The following LPGAT1 variants were observed in gnomAD, a reference collection of about 807,000 sequenced individuals.
The protein encoded by LPGAT1 is acyl-CoA:lysophosphatidylglycerol acyltransferase 1.
LPGAT1 carries 11 observed loss-of-function variants against 47.5 expected under a neutral mutation model. The observed-to-expected ratio is 0.23, with a 90% confidence interval of 0.15 to 0.38. The LOEUF is 0.38. LPGAT1 is among the 10% of genes least tolerant of loss of function. The pLI, the probability that LPGAT1 is intolerant of heterozygous loss-of-function variation, is 1.00. For synonymous variants in LPGAT1, 138 were observed against 144.2 expected (o/e 0.96, Z 0.31); for missense variants, 293 against 439.0 (o/e 0.67, Z 2.97).
At chr1:211,770,701 G>A (rs1456134969) in intron 6 of LPGAT1, among the ~76,000 whole-genome samples, 1 of 152,062 alleles carries the variant, frequency 6.6e-6, no homozygotes, top group African/African-American at 2.4e-5. Context: ...AGTAGTATAG[G>A]GTAATATCCT....
intron 2 of LPGAT1, among the ~76,000 whole-genome samples, chr1:211,818,498 CAACTA>C (rs1660258377): frequency 6.6e-6 from 1 of 152,138 alleles, no homozygotes. Flanking sequence ...GAAATGTTGA[CAACTA>C]ATTTAAGTTT....
chr1:211,760,597 A>T (rs1657656638), intron 6 of LPGAT1, among the ~76,000 whole-genome samples: 2 of 152,236 alleles, frequency 1.3e-5, no homozygotes, highest in Non-Finnish European at 2.9e-5. Context: ...TATTTATAAT[A>T]ATTTTGGTAC....
chr1:211,776,748 G>GA (rs201207999), intron 6 of LPGAT1, among the ~76,000 whole-genome samples: 3,258 of 109,058 alleles, frequency 0.03, 89 homozygotes, highest in East Asian at 0.13. Flanking sequence ...CTTAACTGCA[G>GA]AAAAAAAAAA....
intron 5 of LPGAT1, among the ~76,000 whole-genome samples, chr1:211,781,834 T>C (rs1247698739): frequency 6.6e-6 from 1 of 152,214 alleles, no homozygotes; most frequent in Admixed American, 6.5e-5. Context: ...CTCCATGCTA[T>C]GGGCACAAAT....
chr1:211,771,428 TTTA>T lies in LPGAT1; in HGVS notation c.854+7487_854+7489del, dbSNP rs371864522. 3.0e-4 allele frequency among the ~76,000 whole-genome samples: 46 copies of T among 152,288 alleles called. 1 individual carries two copies. In the South Asian group the frequency reaches 8.9e-3, roughly 29 times the overall value. On this transcript the variant is annotated intron_variant, in intron 6 of 7. Transcript: ENST00000366997. ...TTTTTGTTATGTGCACTTCAAACAC[TTTA>T]TTGTGTCTCTTGAACACTCTAGTTT...
rs564172279 is a variant in LPGAT1 at position 211,758,941 on chromosome 1, T to C, written c.855-7874A>G. ...AATGAGTTGCATTTTATTAAGAATT[T>C]TTTTATCGATTGAAATGGGTATGTA... On this transcript the variant is annotated intron_variant, in intron 6 of 7. Coordinates refer to ENST00000366997, the MANE Select transcript of LPGAT1 (RefSeq NM_014873.3). Among the ~76,000 whole-genome samples the C allele has an allele frequency of 2.2e-4, 33 of 152,322 alleles. No homozygotes were observed. In the East Asian group the frequency reaches 6.2e-3, roughly 28 times the overall value.
intron 5 of LPGAT1, among the ~76,000 whole-genome samples, chr1:211,780,403 AG>A (rs1371092932): frequency 6.6e-6 from 1 of 152,118 alleles, no homozygotes; most frequent in Admixed American, 6.6e-5. Context: ...GAGAACTGAG[AG>A]GGGAAACATC....
At chr1:211,821,629 G>A (rs1404009003) in intron 2 of LPGAT1, among the ~76,000 whole-genome samples, 1 of 152,172 alleles carries the variant, frequency 6.6e-6, no homozygotes, top group Non-Finnish European at 1.5e-5. Context: ...AGAAGCATAA[G>A]CATACATAAT....
chr1:211,770,143 C>A (rs1375764131), intron 6 of LPGAT1, among the ~76,000 whole-genome samples: 1 of 152,164 alleles, frequency 6.6e-6, no homozygotes, highest in East Asian at 1.9e-4. Flanking sequence ...TACTAATGGA[C>A]ATTTAGATTA....
intron 6 of LPGAT1, among the ~76,000 whole-genome samples, chr1:211,774,132 C>CTTTT (rs67342051): frequency 0.039 from 2,568 of 66,494 alleles, 530 homozygotes; most frequent in Non-Finnish European, 0.05. Flanking sequence ...TTTTAAAAGT[C>CTTTT]TTTTTTTTTT....
intron 2 of LPGAT1, among the ~76,000 whole-genome samples, chr1:211,825,372 T>G (rs1486728048): frequency 6.6e-6 from 1 of 151,894 alleles, no homozygotes; most frequent in Non-Finnish European, 1.5e-5. Context: ...TTTAATTAAA[T>G]GTGTTTGGAT....
At chr1:211,761,500 T>C (rs1337798861) in intron 6 of LPGAT1, among the ~76,000 whole-genome samples, 1 of 152,136 alleles carries the variant, frequency 6.6e-6, no homozygotes, top group Non-Finnish European at 1.5e-5. Context: ...AAGTGTGAGG[T>C]CTTACATTTC....
chr1:211,823,384 G>C (rs1040326919), intron 2 of LPGAT1, among the ~76,000 whole-genome samples: 3 of 152,006 alleles, frequency 2.0e-5, no homozygotes, highest in Admixed American at 2.0e-4. Flanking sequence ...TAATTATTAA[G>C]AATTCAAAGG....
chr1:211,807,063 G>A (rs1659787447), intron 2 of LPGAT1, among the ~76,000 whole-genome samples: 1 of 152,112 alleles, frequency 6.6e-6, no homozygotes, highest in Admixed American at 6.5e-5. Flanking sequence ...CAATAAGTGA[G>A]TTTAGCAAAG....
In LPGAT1 at chr1:211,814,602, T is replaced by C. The variant is rs187896289; in HGVS notation, c.238+14457A>G. Among the ~76,000 whole-genome samples, 400 of 152,276 alleles carry C rather than the reference T, an allele frequency of 2.6e-3. 12 individuals carry two copies. The highest frequency in any genetic ancestry group is 6.8e-4 in the Non-Finnish European group (46 of 68,024). Reference sequence around the variant, plus strand: ...CACCAAGAACAGTTTCCTAATACACTAGCTGTGTAAGTAAATGATCCCGGT... The same window carrying C: ...CACCAAGAACAGTTTCCTAATACACCAGCTGTGTAAGTAAATGATCCCGGT... On this transcript the variant is annotated intron_variant, in intron 2 of 7. Transcript: ENST00000366997.
At chr1:211,780,134 A>T (rs1440209242) in intron 5 of LPGAT1, among the ~76,000 whole-genome samples, 2 of 152,114 alleles carry the variant, frequency 1.3e-5, no homozygotes, top group Non-Finnish European at 2.9e-5. Flanking sequence ...CCGAGATCGC[A>T]CCATTGCACT....
intron 6 of LPGAT1, among the ~76,000 whole-genome samples, chr1:211,772,926 G>C (rs1224105616): frequency 6.6e-6 from 1 of 152,140 alleles, no homozygotes; most frequent in East Asian, 1.9e-4. Flanking sequence ...AATACATACA[G>C]GTTTAGGCAT....
At chr1:211,810,495 T>C (rs1271854060) in intron 2 of LPGAT1, among the ~76,000 whole-genome samples, 2 of 152,200 alleles carry the variant, frequency 1.3e-5, no homozygotes, top group Admixed American at 6.5e-5. Flanking sequence ...TCAGCTCTCA[T>C]GCCCATCATC....
intron 2 of LPGAT1, among the ~76,000 whole-genome samples, chr1:211,823,616 T>C (rs1660438242): frequency 6.6e-6 from 1 of 152,120 alleles, no homozygotes; most frequent in Admixed American, 6.5e-5. Context: ...TTCCCACAGA[T>C]AACTGAAGTT....
Sources: allele counts gnomAD v4.1 joint callset (sites outside exome capture counted in the v4.1 genomes callset), GRCh38; gene constraint gnomAD v4.1.1; transcripts MANE v1.5; gene names NCBI Gene and HGNC (gene_info 2026-07-23, HGNC 2026-07-21).